The following ADAMTSL1 variants were observed in gnomAD, a reference collection of about 807,000 sequenced individuals.
ADAMTSL1 encodes ADAMTS-like protein 1.
ADAMTSL1 carries 126 observed loss-of-function variants against 201.8 expected under a neutral mutation model. That is an observed-to-expected ratio of 0.62 (90% CI 0.54 to 0.72). The LOEUF (loss-of-function observed/expected upper bound fraction) is 0.72, where lower values mean the gene tolerates loss of function less well. ADAMTSL1 is among the 30% of genes least tolerant of loss of function. The pLI is 0.00. For synonymous variants in ADAMTSL1, 1,121 were observed against 903.4 expected, an observed-to-expected ratio of 1.24 and a Z score of -4.32; for missense variants, 2,679 against 2,277.8, an observed-to-expected ratio of 1.18 and a Z score of -3.59.
chr9:18,302,834 A>C (rs567818629), intron 2 of ADAMTSL1, among the ~76,000 whole-genome samples: 1 of 152,316 alleles, frequency 6.6e-6, no homozygotes, highest in East Asian at 1.9e-4. Context: ...TTTACTTTTT[A>C]ACTTTAAAAT....
At chr9:18,837,572 T>A (rs147672696) in intron 23 of ADAMTSL1, among the ~76,000 whole-genome samples, 1 of 152,358 alleles carries the variant, frequency 6.6e-6, no homozygotes, top group East Asian at 1.9e-4. Flanking sequence ...CTAATTCTTT[T>A]AAGTGGTTCT....
At chr9:18,730,543 T>G (rs1818154491) in intron 15 of ADAMTSL1, among the ~76,000 whole-genome samples, 1 of 152,248 alleles carries the variant, frequency 6.6e-6, no homozygotes, top group African/African-American at 2.4e-5. Flanking sequence ...CATAGTGAAT[T>G]CTTCCGTCAT....
chr9:18,641,643 T>C (rs1281590233), intron 7 of ADAMTSL1, among the ~76,000 whole-genome samples: 5 of 152,054 alleles, frequency 3.3e-5, no homozygotes, highest in African/African-American at 1.2e-4. Context: ...ATGTAATTCT[T>C]AAATTAGTTT....
At chr9:18,403,802 T>C (rs1587090115) in intron 2 of ADAMTSL1, among the ~76,000 whole-genome samples, 1 of 152,226 alleles carries the variant, frequency 6.6e-6, no homozygotes, top group East Asian at 1.9e-4. Context: ...ACTTTCTTTA[T>C]CTAAAGTTTA....
intron 7 of ADAMTSL1, among the ~76,000 whole-genome samples, chr9:18,656,398 G>A (rs532564185): frequency 6.6e-6 from 1 of 152,144 alleles, no homozygotes; most frequent in East Asian, 1.9e-4. Flanking sequence ...TTGGGAGGCC[G>A]AGGCGGGCAG....
At chr9:18,282,529 CT>C (rs1554649584) in intron 2 of ADAMTSL1, among the ~76,000 whole-genome samples, 6 of 152,154 alleles carry the variant, frequency 3.9e-5, no homozygotes, top group Non-Finnish European at 8.8e-5. Context: ...AAAATTTCAG[CT>C]CTTTAAAATT....
At chr9:18,463,355 C>G (rs1273592336) in intron 2 of ADAMTSL1, among the ~76,000 whole-genome samples, 1 of 151,788 alleles carries the variant, frequency 6.6e-6, no homozygotes, top group African/African-American at 2.4e-5. Flanking sequence ...CGTCTTTTTT[C>G]TCTTCTTTAA....
At chr9:18,400,228 G>A (rs1226404209) in intron 2 of ADAMTSL1, among the ~76,000 whole-genome samples, 1 of 120,906 alleles carries the variant, frequency 8.3e-6, no homozygotes, top group Non-Finnish European at 1.8e-5. Context: ...GTCCTACTGT[G>A]ATACTTATTT....
chr9:18,830,676 C>G (rs538155928), intron 23 of ADAMTSL1, among the ~76,000 whole-genome samples: 72 of 152,136 alleles, frequency 4.7e-4, no homozygotes, highest in African/African-American at 1.5e-3. Flanking sequence ...CACATGACCT[C>G]TGGAGACGGA....
intron 1 of ADAMTSL1, among the ~76,000 whole-genome samples, chr9:18,054,708 G>T (rs535163541): frequency 2.6e-5 from 4 of 152,330 alleles, no homozygotes; most frequent in Non-Finnish European, 4.4e-5. Flanking sequence ...AAATGAAAGA[G>T]TTGGGGTTAC....
At chr9:18,407,218 A>G (rs1342927526) in intron 2 of ADAMTSL1, among the ~76,000 whole-genome samples, 1 of 152,240 alleles carries the variant, frequency 6.6e-6, no homozygotes, top group African/African-American at 2.4e-5. Context: ...AGAGCTTTAC[A>G]GAGAAGACAG....
intron 3 of ADAMTSL1, among the ~76,000 whole-genome samples, chr9:18,572,131 G>A (rs1473928376): frequency 6.6e-6 from 1 of 151,476 alleles, no homozygotes; most frequent in Non-Finnish European, 1.5e-5. Context: ...GGAGGCGGAG[G>A]TTGCAGTGAG....
At chr9:17,960,185 G>A (rs1817683742) in intron 1 of ADAMTSL1, among the ~76,000 whole-genome samples, 1 of 152,080 alleles carries the variant, frequency 6.6e-6, no homozygotes, top group African/African-American at 2.4e-5. Flanking sequence ...TCATGGCTAC[G>A]CACACTTCAT....
intron 2 of ADAMTSL1, among the ~76,000 whole-genome samples, chr9:18,323,442 A>C (rs1834705315): frequency 6.6e-6 from 1 of 152,178 alleles, no homozygotes; most frequent in African/African-American, 2.4e-5. Flanking sequence ...TTAATGGTAA[A>C]ATAGTAAATC....
chr9:18,503,419 G>GTATATATATATATATATATATA lies in ADAMTSL1; in HGVS notation c.64-1409_64-1408insATATATATATATATATATATAT, dbSNP rs1206500089. On this transcript the variant is annotated intron_variant, in intron 1 of 28. Coordinates refer to ENST00000380548, the MANE Select transcript of ADAMTSL1 (RefSeq NM_001040272.6). ...TTTTAAGGCTGAATAGTATTCCATT[G>GTATATATATATATATATATATA]TGTATATATATATATATATATACCA... 2.1e-3 allele frequency among the ~76,000 whole-genome samples: 124 copies of GTATATATATATATATATATATA among 58,214 alleles called. 2 individuals carry two copies. The highest frequency in any genetic ancestry group is 6.4e-3 in the African/African-American group (112 of 17,368). 38.2% of individuals were successfully genotyped at this position (58,214 alleles called of 152,430 possible).
intron 15 of ADAMTSL1, among the ~76,000 whole-genome samples, chr9:18,735,176 G>A (rs1446260680): frequency 1.3e-5 from 2 of 152,322 alleles, no homozygotes; most frequent in East Asian, 1.9e-4. Context: ...ACAGGGAAAT[G>A]TATTTATGTT....
intron 1 of ADAMTSL1, among the ~76,000 whole-genome samples, chr9:18,130,910 A>G (rs993299531): frequency 1.3e-5 from 2 of 152,092 alleles, no homozygotes; most frequent in Admixed American, 1.3e-4. Flanking sequence ...GACTTTCTTG[A>G]AAAGTAGTTG....
At chr9:18,679,443 A>G (rs1830316183) in intron 10 of ADAMTSL1, among the ~76,000 whole-genome samples, 1 of 152,136 alleles carries the variant, frequency 6.6e-6, no homozygotes, top group African/African-American at 2.4e-5. Context: ...TTTGGCAAAG[A>G]TATCTCTCTG....
chr9:18,432,940 A>G (rs1405873496), intron 2 of ADAMTSL1, among the ~76,000 whole-genome samples: 1 of 152,172 alleles, frequency 6.6e-6, no homozygotes, highest in African/African-American at 2.4e-5. Flanking sequence ...ACTACAGGAA[A>G]CTATGTAGAG....
Sources: gnomAD v4.1 joint callset for allele counts (sites outside exome capture counted in the v4.1 genomes callset) on GRCh38, gnomAD v4.1.1 for gene constraint, MANE v1.5 for transcripts, NCBI Gene and HGNC (gene_info 2026-07-23, HGNC 2026-07-21) for gene names.